PARP11: variants seen among roughly 807,000 people sequenced by gnomAD.
PARP11 encodes protein mono-ADP-ribosyltransferase PARP11.
PARP11 carries 31 observed loss-of-function variants against 42.9 expected under a neutral mutation model. The observed-to-expected ratio is 0.72, with a 90% confidence interval of 0.54 to 0.98. The LOEUF (loss-of-function observed/expected upper bound fraction) is 0.98. Ranked by LOEUF, PARP11 falls within the 50% of genes least tolerant of loss-of-function variation. The probability of loss-of-function intolerance (pLI) is 0.00; values close to 1 mark genes in which losing one functional copy is unlikely to be tolerated. For synonymous variants in PARP11, 137 were observed against 127.3 expected, an observed-to-expected ratio of 1.08 and a Z score of -0.51; for missense variants, 365 against 413.1, an observed-to-expected ratio of 0.88 and a Z score of 1.01.
chr12:3,817,182 T>C (rs1331524995), intron 6 of PARP11, among the ~76,000 whole-genome samples: 1 of 128,342 alleles, frequency 7.8e-6, no homozygotes, highest in Admixed American at 8.2e-5. Flanking sequence ...CAGAAAGAGA[T>C]TCTGTCTCAA....
rs1443875782 is a variant in PARP11, at chr12:3,861,145, T to TTAAGTATCCCAATCAGTTAA, written c.18+12066_18+12067insTTAACTGATTGGGATACTTA. On this transcript the variant is annotated intron_variant, in intron 1 of 7. Coordinates refer to ENST00000228820, the MANE Select transcript of PARP11 (RefSeq NM_020367.6). The surrounding 1 kb of genome is among the most constrained non-coding windows in gnomAD (Gnocchi z 4.6). The stretch of plus-strand genomic sequence containing the variant: ...GCTGGTATCAGTTAAGACTCTGGGG[T>TTAAGTATCCCAATCAGTTAA]GATTGGGATAAAATGAATGTAATTT... Among the ~76,000 whole-genome samples, 1 of 152,122 alleles carries TTAAGTATCCCAATCAGTTAA rather than the reference T, an allele frequency of 6.6e-6. No homozygotes were observed.
At chr12:3,813,016 G>C (rs1267233048) in intron 7 of PARP11, among the ~76,000 whole-genome samples, 1 of 152,114 alleles carries the variant, frequency 6.6e-6, no homozygotes, top group African/African-American at 2.4e-5. Flanking sequence ...TGTTGGCCAG[G>C]CTGATCTTGA....
intron 1 of PARP11, among the ~76,000 whole-genome samples, chr12:3,853,397 G>A (rs1352658272): frequency 3.3e-5 from 5 of 152,124 alleles, no homozygotes; most frequent in Admixed American, 2.0e-4. Context: ...CCCATCTCAC[G>A]TGCAGAGACA....
chr12:3,813,669 C>T (rs12304518), intron 7 of PARP11, among the ~76,000 whole-genome samples: 24,034 of 152,188 alleles, frequency 0.16, 2,302 homozygotes, highest in East Asian at 0.36. Context: ...TTGCTGGAAG[C>T]AAGGTACAAA....
At chr12:3,825,973 G>A (rs886241970) in intron 4 of PARP11, among the ~76,000 whole-genome samples, 185 bp downstream of exon 4, 5 of 151,508 alleles carry the variant, frequency 3.3e-5, no homozygotes, top group African/African-American at 1.2e-4. Flanking sequence ...TCGTGATCAG[G>A]CCGCCTCGGC....
intron 1 of PARP11, among the ~76,000 whole-genome samples, chr12:3,864,712 C>T (rs1478851884): frequency 6.6e-6 from 1 of 152,032 alleles, no homozygotes; most frequent in Non-Finnish European, 1.5e-5. Flanking sequence ...CATAACATTC[C>T]TTTATTATCC....
At chr12:3,866,235 T>C (rs771080727) in intron 1 of PARP11, among the ~76,000 whole-genome samples, 9 of 152,168 alleles carry the variant, frequency 5.9e-5, no homozygotes, top group Non-Finnish European at 1.3e-4. Flanking sequence ...TCCTCTGTCC[T>C]GAATAACTCT....
chr12:3,851,613 G>A (rs1948096284), intron 1 of PARP11, among the ~76,000 whole-genome samples: 1 of 152,208 alleles, frequency 6.6e-6, no homozygotes, highest in Non-Finnish European at 1.5e-5. Context: ...CAGGAAGCTT[G>A]AACTGGGTGG....
intron 6 of PARP11, among the ~76,000 whole-genome samples, chr12:3,821,177 A>G (rs950810771): frequency 3.3e-5 from 5 of 152,222 alleles, no homozygotes; most frequent in African/African-American, 1.2e-4. Flanking sequence ...TAAAAAGTTA[A>G]AAGTCAGCTT....
intron 1 of PARP11, chr12:3,871,659 A>C (rs1379093938): frequency 6.6e-6 from 1 of 152,202 alleles, no homozygotes; most frequent in Non-Finnish European, 1.5e-5. Context: ...CCATTTTTCC[A>C]GTCAACTCCT....
chr12:3,866,409 G>A (rs1475252673), intron 1 of PARP11, among the ~76,000 whole-genome samples: 8 of 152,044 alleles, frequency 5.3e-5, no homozygotes, highest in African/African-American at 1.2e-4. Flanking sequence ...TTCAAAAGAC[G>A]GTCCTCAGGG....
chr12:3,853,645 G>C (rs1412972667), intron 1 of PARP11, among the ~76,000 whole-genome samples: 2 of 152,152 alleles, frequency 1.3e-5, no homozygotes, highest in Non-Finnish European at 2.9e-5. Flanking sequence ...CAAGTCCTTA[G>C]AGACCTACAA....
At chr12:3,817,194 A>AAG (rs1232541704) in intron 6 of PARP11, among the ~76,000 whole-genome samples, 1 of 151,868 alleles carries the variant, frequency 6.6e-6, no homozygotes, top group Non-Finnish European at 1.5e-5. Context: ...CTGTCTCAAA[A>AAG]AAAAAAAAAT....
At chr12:3,819,225 C>T (rs1947347855) in intron 6 of PARP11, among the ~76,000 whole-genome samples, 1 of 152,244 alleles carries the variant, frequency 6.6e-6, no homozygotes, top group South Asian at 2.1e-4. Context: ...CCAAGCCCTA[C>T]CATTCTATAA....
chr12:3,829,760 TTTAG>T lies in PARP11; in HGVS notation c.147+126_147+129del, dbSNP rs569772132. 777 of 931,740 alleles carry T rather than the reference TTTAG, an allele frequency of 8.3e-4. 2 individuals carry two copies. Among genetic ancestry groups the T allele is most frequent in the Non-Finnish European group, 1.1e-3 (699 of 628,176 alleles). The allele number at this position is 931,740 out of a possible 1,614,324, so 57.7% of individuals were successfully genotyped here. A position where few individuals can be genotyped will look rare whatever the true frequency, so the allele number is the denominator to read the frequency against. ...CACTGGAAGAATTTCTAACTTTTCT[TTTAG>T]TTAAACAATTTTATTTCCTTAAGCT... On this transcript the variant is annotated intron_variant, in intron 2 of 7. Transcript: ENST00000228820.
rs563894813 is a variant in PARP11, at chr12:3,842,001, A to G, written c.19-11983T>C. ...GCCGGACAGAGCAATCTTCCCAGAC[A>G]CGAAAGGCAGATATGGCATTGGCTT... On this transcript the variant is annotated intron_variant, in intron 1 of 7. Coordinates refer to ENST00000228820, the MANE Select transcript of PARP11 (RefSeq NM_020367.6). The G allele has an allele frequency of 2.6e-4, 421 of 1,611,108 alleles. 5 individuals carry two copies. The highest frequency in any genetic ancestry group is 4.8e-5 in the Non-Finnish European group (56 of 1,177,748).
In PARP11 at chr12:3,834,334, C is replaced by G. The variant is rs556588153; in HGVS notation, c.19-4316G>C. On this transcript the variant is annotated intron_variant, in intron 1 of 7. Transcript: ENST00000228820. ...GAGAGCAGAACCCCATGCCTAAGGG[C>G]ATTATCAAAAACAGTGGGCCGGGTG... Among the ~76,000 whole-genome samples the G allele has an allele frequency of 1.2e-4, 18 of 152,248 alleles. No homozygotes were observed. The South Asian group carries it at 3.7e-3, about 32-fold the overall frequency.
chr12:3,836,851 A>G (rs1947775378), intron 1 of PARP11, among the ~76,000 whole-genome samples: 2 of 152,218 alleles, frequency 1.3e-5, no homozygotes, highest in African/African-American at 2.4e-5. Flanking sequence ...CCACAAAATC[A>G]GCCCAGCATC....
Position 3,835,300 on chromosome 12 carries a change from T to TC in PARP11, c.19-5283dup, listed in dbSNP as rs772706763. Among the ~76,000 whole-genome samples the TC allele has an allele frequency of 7.2e-4, 110 of 152,188 alleles. 1 individual carries two copies. The highest frequency in any genetic ancestry group is 6.0e-4 in the Non-Finnish European group (41 of 68,034). On this transcript the variant is annotated intron_variant, in intron 1 of 7. Transcript: ENST00000228820. ...AGTAGTCAGGTTAAGAGGGGAAAAG[T>TC]CTGAGCTGGGATATCAGAAGCTACA... is the stretch of plus-strand genomic sequence containing the variant.
Sources: allele counts gnomAD v4.1 joint callset (sites outside exome capture counted in the v4.1 genomes callset), GRCh38; gene constraint gnomAD v4.1.1; non-coding constraint Gnocchi (gnomAD v3.1); transcripts MANE v1.5; gene names NCBI Gene and HGNC (gene_info 2026-07-23, HGNC 2026-07-21).